LRRC8D: variants seen among roughly 807,000 people sequenced by gnomAD.
The protein encoded by LRRC8D is leucine rich repeat containing 8 VRAC subunit D, also known as volume-regulated anion channel subunit LRRC8D.
LRRC8D carries 20 observed loss-of-function variants against 55.8 expected under a neutral mutation model. That is an observed-to-expected ratio of 0.36 (90% confidence interval 0.25 to 0.52). The LOEUF is 0.52. LRRC8D is among the 20% of genes least tolerant of loss of function. The probability of loss-of-function intolerance (pLI) is 0.93; values close to 1 mark genes in which losing one functional copy is unlikely to be tolerated. For missense variants in LRRC8D, 651 were observed against 1,030.8 expected (o/e 0.63, Z 5.05); for synonymous variants, 352 against 377.0 (o/e 0.93, Z 0.77).
intron 2 of LRRC8D, among the ~76,000 whole-genome samples, chr1:89,843,983 C>T (rs1196612030): frequency 2.0e-5 from 3 of 152,228 alleles, no homozygotes; most frequent in Admixed American, 6.5e-5. Flanking sequence ...CCTGGGCGTG[C>T]GCTGCGGAGC....
chr1:89,833,660 T>C (rs921908788), intron 1 of LRRC8D: 25 of 152,114 alleles, frequency 1.6e-4, no homozygotes, highest in African/African-American at 6.0e-4. Flanking sequence ...TTGGTGAGGA[T>C]AAGAAGCTAT....
chr1:89,849,627 A>T (rs941880969), intron 2 of LRRC8D, among the ~76,000 whole-genome samples: 2 of 152,042 alleles, frequency 1.3e-5, no homozygotes, highest in Non-Finnish European at 2.9e-5. Context: ...GAGGCTGAAC[A>T]TGTCTTCATT....
At position 89,935,530 on chromosome 1, in the gene LRRC8D, G is replaced by A. The variant is rs763711979; in HGVS notation, c.2462G>A (p.Arg821Gln). Residue 821 changes from arginine to glutamine, a missense_variant, in exon 3 of 3, where the codon CGG becomes CAG. By Grantham distance (43) the Arg-to-Gln change is conservative (BLOSUM62 1). Coordinates refer to ENST00000337338, the MANE Select transcript of LRRC8D (RefSeq NM_001134479.2). ...CTGCCAGCCCAGCTGGGCCAGTGTC[G>A]GATGCTCAAGAAAAGCGGGCTTGTT... ...DRLPAQLGQC[R>Q]MLKKSGLVVE... 14 of 1,614,102 alleles carry A rather than the reference G, an allele frequency of 8.7e-6. No individual in the cohort carries two copies. Among genetic ancestry groups the A allele is most frequent in the South Asian group, 1.1e-5 (1 of 91,090 alleles).
At chr1:89,879,197 G>T (rs1662219813) in intron 2 of LRRC8D, among the ~76,000 whole-genome samples, 1 of 152,152 alleles carries the variant, frequency 6.6e-6, no homozygotes, top group African/African-American at 2.4e-5. Flanking sequence ...AAAAGAGTAA[G>T]CAATGAAAGA....
At chr1:89,880,541 A>G (rs1024628435) in intron 2 of LRRC8D, among the ~76,000 whole-genome samples, 22 of 151,808 alleles carry the variant, frequency 1.4e-4, no homozygotes, top group Non-Finnish European at 2.9e-5. Flanking sequence ...TAACATGAGT[A>G]ATAAAATTTC....
intron 2 of LRRC8D, among the ~76,000 whole-genome samples, chr1:89,876,539 T>C (rs72716335): frequency 0.099 from 15,006 of 152,246 alleles, 999 homozygotes; most frequent in South Asian, 0.17. Context: ...TCTGTAATTC[T>C]GATGGAATTC....
intron 2 of LRRC8D, among the ~76,000 whole-genome samples, chr1:89,884,750 A>G (rs1662370929): frequency 6.6e-6 from 1 of 152,198 alleles, no homozygotes; most frequent in Non-Finnish European, 1.5e-5. Context: ...GGTTTATAAA[A>G]CTCAGATACG....
At chr1:89,854,094 G>A (rs528736922) in intron 2 of LRRC8D, among the ~76,000 whole-genome samples, 4 of 152,300 alleles carry the variant, frequency 2.6e-5, no homozygotes, top group Admixed American at 2.0e-4. Context: ...GAATTGGGAC[G>A]TTTATTCCAT....
intron 2 of LRRC8D, among the ~76,000 whole-genome samples, chr1:89,860,295 C>T (rs910908757): frequency 2.0e-5 from 3 of 152,188 alleles, no homozygotes; most frequent in Admixed American, 6.5e-5. Context: ...GCATTTTAAA[C>T]TAAATCTTTT....
intron 2 of LRRC8D, among the ~76,000 whole-genome samples, chr1:89,898,383 T>C (rs933502661): frequency 6.6e-6 from 1 of 152,222 alleles, no homozygotes; most frequent in Non-Finnish European, 1.5e-5. Flanking sequence ...CATCTCACAA[T>C]GTTCCAGATA....
chr1:89,875,753 G>A (rs1662132050), intron 2 of LRRC8D, among the ~76,000 whole-genome samples: 1 of 152,100 alleles, frequency 6.6e-6, no homozygotes, highest in Non-Finnish European at 1.5e-5. Context: ...CTTACTCTAT[G>A]CCAAGCAGTG....
chr1:89,835,961 AC>A (rs1660997148), intron 1 of LRRC8D, among the ~76,000 whole-genome samples: 1 of 152,138 alleles, frequency 6.6e-6, no homozygotes, highest in South Asian at 2.1e-4. Context: ...TTATTCAGTG[AC>A]CCTCTTTCCT....
intron 2 of LRRC8D, among the ~76,000 whole-genome samples, chr1:89,918,335 C>G (rs938870150): frequency 1.3e-5 from 2 of 152,216 alleles, no homozygotes; most frequent in African/African-American, 4.8e-5. Flanking sequence ...GGCACTTGCT[C>G]AACACTTGCA....
intron 1 of LRRC8D, among the ~76,000 whole-genome samples, chr1:89,838,447 T>TA (rs1661055713): frequency 6.6e-6 from 1 of 152,170 alleles, no homozygotes; most frequent in Non-Finnish European, 1.5e-5. Flanking sequence ...AAGCAGATAC[T>TA]ACCACAGAAG....
At chr1:89,865,330 TTATATATATATATATATA>T (rs34852331) in intron 2 of LRRC8D, among the ~76,000 whole-genome samples, 2 of 139,288 alleles carry the variant, frequency 1.4e-5, no homozygotes, top group Admixed American at 7.3e-5. Context: ...AAACATGAAA[TTATATATATATATATATA>T]TATATATATA....
chr1:89,897,824 T>C (rs1490193263), intron 2 of LRRC8D, among the ~76,000 whole-genome samples: 1 of 152,178 alleles, frequency 6.6e-6, no homozygotes, highest in Admixed American at 6.5e-5. Flanking sequence ...ATTTCTGCAG[T>C]GCTATGTTGC....
intron 2 of LRRC8D, among the ~76,000 whole-genome samples, 175 bp downstream of exon 2, chr1:89,843,957 C>CA (rs1661206794): frequency 2.0e-5 from 3 of 152,334 alleles, no homozygotes; most frequent in Admixed American, 2.0e-4. Flanking sequence ...GCCCTGGGTT[C>CA]GGGCCGGCGG....
intron 2 of LRRC8D, among the ~76,000 whole-genome samples, chr1:89,925,003 G>A (rs1663521565): frequency 6.6e-6 from 1 of 152,114 alleles, no homozygotes; most frequent in South Asian, 2.1e-4. Context: ...CCAACCCCTG[G>A]GCCACGGACT....
chr1:89,917,929 C>A (rs1375084844), intron 2 of LRRC8D, among the ~76,000 whole-genome samples: 2 of 152,040 alleles, frequency 1.3e-5, no homozygotes, highest in African/African-American at 4.8e-5. Context: ...ATACACAACT[C>A]GGTGAATATT....
Sources: allele counts gnomAD v4.1 joint callset (sites outside exome capture counted in the v4.1 genomes callset), GRCh38; gene constraint gnomAD v4.1.1; transcripts MANE v1.5; gene names NCBI Gene and HGNC (gene_info 2026-07-23, HGNC 2026-07-21).